ITGA10: variants seen among roughly 807,000 people sequenced by gnomAD.
ITGA10 encodes the protein integrin alpha-10.
In ITGA10, 105 loss-of-function variants were observed where a neutral mutation model predicts 145.2. The observed-to-expected ratio is 0.72, with a 90% CI of 0.62 to 0.85. ITGA10 has a LOEUF of 0.85. Among genes scored for constraint, ITGA10 ranks in the 40% least tolerant of loss-of-function variants. The pLI is 0.00. For synonymous variants in ITGA10, 506 were observed against 557.8 expected, an observed-to-expected ratio of 0.91 and a Z score of 1.31; for missense variants, 1,317 against 1,444.5, an observed-to-expected ratio of 0.91 and a Z score of 1.43.
Position 145,902,289 on chromosome 1 carries a change from C to T in ITGA10, c.1106G>A (p.Gly369Glu). Residue 369 changes from glycine to glutamate, a missense_variant, in exon 10 of 30, where the codon GGG becomes GAG. Coordinates refer to ENST00000369304, the MANE Select transcript of ITGA10 (RefSeq NM_003637.5). Reference sequence around the variant, plus strand: ...GAAACCAATCTGAGACATTTCCAGCCCAAAGGAGCTTTCGTTTTCTGCATG... The same window carrying T: ...GAAACCAATCTGAGACATTTCCAGCTCAAAGGAGCTTTCGTTTTCTGCATG... ...GSHAENESSFGLEMSQIGFST... is the reference protein window; with the variant it reads ...GSHAENESSFELEMSQIGFST... The T allele has an allele frequency of 6.2e-7, 1 of 1,614,118 alleles. No homozygotes were observed. Among genetic ancestry groups the T allele is most frequent in the Non-Finnish European group, 8.5e-7 (1 of 1,180,020 alleles).
chr1:145,904,214 G>A lies in ITGA10; in HGVS notation c.610-14C>T, dbSNP rs199978024. ...TACCAGTCCCACCTGGGAATAAAGC[G>A]CATTCAAATGAAATGTATGTATGTG... On this transcript the variant is annotated splice_polypyrimidine_tract_variant and intron_variant, in intron 6 of 29. Transcript: ENST00000369304. 9.4e-5 allele frequency: 152 copies of A among 1,613,452 alleles called. No homozygotes were observed. The highest frequency in any genetic ancestry group is 4.5e-4 in the East Asian group (20 of 44,876).
intron 2 of ITGA10, 40 bp from the exon 3 acceptor site, chr1:145,907,190 C>G (rs1323393632): frequency 1.9e-6 from 3 of 1,560,908 alleles, no homozygotes; most frequent in Non-Finnish European, 2.6e-6. Context: ...ACAGGGCAAA[C>G]ATGACCCTTG....
chr1:145,898,303 G>A, intron 17 of ITGA10, 80 bp from the exon 18 acceptor site: 2 of 842,728 alleles, frequency 2.4e-6, no homozygotes, highest in Non-Finnish European at 2.1e-6. Flanking sequence ...AGCATTTTCT[G>A]TGTGCTGGGC....
rs1553748018 is a variant in ITGA10, at chr1:145,900,953, G to T, written c.1628C>A (p.Pro543His). 6.2e-7 allele frequency: 1 copy of T among 1,614,142 alleles called. No individual in the cohort carries two copies. The highest frequency in any genetic ancestry group is 8.5e-7 in the Non-Finnish European group (1 of 1,180,040). Residue 543 changes from proline to histidine, a missense_variant, in exon 14 of 30, where the codon CCC becomes CAC. Coordinates refer to ENST00000369304, the MANE Select transcript of ITGA10 (RefSeq NM_003637.5). ...AAAGCCAAACCGAGCATCCTGGGGG[G>T]GTTCTGGCTGAAGTGTTCCTTGGAG... ...LTLQGTLQPE[P>H]PQDARFGFAM... is the part of the protein sequence containing the mutation.
intron 6 of ITGA10, 113 bp from the exon 7 acceptor site, chr1:145,904,313 C>T (rs1273066573): frequency 5.5e-5 from 55 of 991,002 alleles, no homozygotes; most frequent in Admixed American, 1.8e-4. Context: ...CTGAAGACAA[C>T]ACCTACATTT....
intron 3 of ITGA10, 77 bp downstream of exon 3, chr1:145,906,964 G>T: frequency 8.2e-7 from 1 of 1,218,874 alleles, no homozygotes; most frequent in Non-Finnish European, 1.2e-6. Flanking sequence ...GGGTGAAAAA[G>T]CTGAGGTATA....
Position 145,903,651 on chromosome 1 carries a change from C to CT in ITGA10, c.758+400dup, listed in dbSNP as rs782238620. Among the ~76,000 whole-genome samples the CT allele has an allele frequency of 7.0e-3, 988 of 141,416 alleles. 6 individuals carry two copies. The highest frequency in any genetic ancestry group is 0.012 in the Admixed American group (164 of 14,056). 92.8% of individuals were successfully genotyped at this position (141,416 alleles called of 152,430 possible). On this transcript the variant is annotated intron_variant, in intron 7 of 29. Coordinates refer to ENST00000369304, the MANE Select transcript of ITGA10 (RefSeq NM_003637.5). The stretch of plus-strand genomic sequence containing the variant: ...ACCTGCCCTAACTCTTCTTCTTCTT[C>CT]TTTTTTTTTTTTTAAGGGAAAGATT...
intron 7 of ITGA10, 49 bp from the exon 8 acceptor site, chr1:145,903,010 C>G (rs1656584812): frequency 1.2e-6 from 1 of 855,200 alleles, no homozygotes. Flanking sequence ...CAGACACACA[C>G]ACACACACAC....
In ITGA10 at chr1:145,899,046, T is replaced by G. The variant is rs1421553667; in HGVS notation, c.2122A>C (p.Thr708Pro). 6.2e-7 allele frequency: 1 copy of G among 1,614,050 alleles called. No individual in the cohort carries two copies. Among genetic ancestry groups the G allele is most frequent in the Non-Finnish European group, 8.5e-7 (1 of 1,180,036 alleles). Residue 708 changes from threonine (T) to proline (P), a missense_variant, in exon 17 of 30, where the codon ACT (threonine) becomes CCT (proline). Thr to Pro is a conservative substitution (Grantham distance 38). Transcript: ENST00000369304. ...TCAAATGCTGCACGTGCCCCAGCAGTCCATTCATCCAGTGATGCGGTGAAC... is the reference window on the plus strand; with the variant it reads ...TCAAATGCTGCACGTGCCCCAGCAGGCCATTCATCCAGTGATGCGGTGAAC... ...MRFTASLDEW[T>P]AGARAAFDGS...
chr1:145,906,949 T>G, intron 3 of ITGA10, 92 bp downstream of exon 3: 1 of 1,166,670 alleles, frequency 8.6e-7, no homozygotes, highest in Non-Finnish European at 1.2e-6. Flanking sequence ...GTATGCGGAT[T>G]TTAGGGGTGA....
chr1:145,892,994 C>A, intron 29 of ITGA10, 131 bp from the exon 30 acceptor site: 3 of 957,024 alleles, frequency 3.1e-6, no homozygotes, highest in Non-Finnish European at 5.0e-6. Flanking sequence ...TTTTATTTGG[C>A]TTAGAATAAT....
chr1:145,906,626 T>C (rs1212686815), intron 4 of ITGA10, 107 bp downstream of exon 4: 1 of 1,272,438 alleles, frequency 7.9e-7, no homozygotes, highest in Non-Finnish European at 1.1e-6. Flanking sequence ...CTTTCTAGGG[T>C]TTTTAACTCC....
chr1:145,909,111 T>C (rs1453274178), intron 1 of ITGA10, among the ~76,000 whole-genome samples: 2 of 151,414 alleles, frequency 1.3e-5, no homozygotes, highest in Non-Finnish European at 2.9e-5. Context: ...AAGACCAGCC[T>C]GGCCAACATA....
In ITGA10 at chr1:145,904,319, C is replaced by T. The variant is rs185035149; in HGVS notation, c.610-119G>A. On this transcript the variant is annotated intron_variant, in intron 6 of 29. Transcript: ENST00000369304. ...TGGATACTACTGAAGACAACACCTA[C>T]ATTTATCCCCTCTCTCTCTGTCTCT... The T allele has an allele frequency of 1.9e-5, 17 of 915,840 alleles. No homozygotes were observed. The East Asian group carries it at 3.3e-4, about 18-fold the overall frequency. The allele number at this position is 915,840 out of a possible 1,614,324, so 56.7% of individuals were successfully genotyped here.
intron 15 of ITGA10, among the ~76,000 whole-genome samples, chr1:145,899,634 G>A (rs1390078320): frequency 2.0e-5 from 3 of 151,710 alleles, no homozygotes; most frequent in Non-Finnish European, 2.9e-5. Flanking sequence ...TCAGCCTCCC[G>A]AGTAGCTGGG....
intron 14 of ITGA10, 27 bp downstream of exon 14, chr1:145,900,763 C>A (rs2101793098): frequency 6.2e-7 from 1 of 1,609,128 alleles, no homozygotes; most frequent in South Asian, 1.1e-5. Context: ...TACAACCGTG[C>A]CCCTGCTTTA....
intron 28 of ITGA10, 129 bp downstream of exon 28, chr1:145,893,411 G>T: frequency 4.3e-6 from 4 of 932,334 alleles, no homozygotes; most frequent in Non-Finnish European, 6.8e-6. Context: ...GGCAGGAATG[G>T]CGGCAGTGGA....
rs782805179 is a variant in ITGA10 at position 145,902,000 on chromosome 1, C to A, written c.1171G>T (p.Val391Leu). ...GAGCCTCCCCAGTCATAGGCCCCCA[C>A]CATCCCAAAAAGAATCCCATCCTGT... ...RLKDGILFGMVGAYDWGGSVL... is the reference protein window; with the variant it reads ...RLKDGILFGMLGAYDWGGSVL... The change falls in exon 11 of 30, where the codon GTG becomes TTG. Residue 391 changes from valine to leucine, a missense_variant. Val to Leu is a conservative substitution (Grantham distance 32, BLOSUM62 1). Transcript: ENST00000369304. The surrounding 1 kb of genome is among the most constrained non-coding windows in gnomAD (Gnocchi z 4.3). 6 of 1,614,122 alleles carry A rather than the reference C, an allele frequency of 3.7e-6. 1 individual carries two copies. The highest frequency in any genetic ancestry group is 4.2e-6 in the Non-Finnish European group (5 of 1,180,018).
At chr1:145,895,179 G>T in intron 27 of ITGA10, 101 bp downstream of exon 27, 1 of 762,704 alleles carries the variant, frequency 1.3e-6, no homozygotes, top group Non-Finnish European at 2.2e-6. Flanking sequence ...CTAGTAAGAG[G>T]CAAAAGTGAA....
Sources: allele counts gnomAD v4.1 joint callset (sites outside exome capture counted in the v4.1 genomes callset), GRCh38; gene constraint gnomAD v4.1.1; non-coding constraint Gnocchi (gnomAD v3.1); transcripts MANE v1.5; gene names NCBI Gene and HGNC (gene_info 2026-07-23, HGNC 2026-07-21).